The following OTOF variants were observed in gnomAD, a reference collection of about 807,000 sequenced individuals.
The protein encoded by OTOF is otoferlin, also known as fer-1-like family member 2.
Under a neutral mutation model 236.8 loss-of-function variants are expected in OTOF, and 218 were observed. That is an observed-to-expected ratio of 0.92 (90% CI 0.82 to 1.03). The LOEUF (loss-of-function observed/expected upper bound fraction) is 1.03, where lower values mean the gene tolerates loss of function less well. Among genes scored for constraint, OTOF ranks in the 50% least tolerant of loss-of-function variants. OTOF has a pLI of 0.00. For synonymous variants in OTOF, 1,041 were observed against 1,072.5 expected (o/e 0.97, Z 0.57); for missense variants, 2,590 against 2,694.4 (o/e 0.96, Z 0.86).
chr2:26,516,758 A>G (rs929672305), intron 4 of OTOF, among the ~76,000 whole-genome samples, 159 bp from the exon 5 acceptor site: 6 of 152,094 alleles, frequency 3.9e-5, no homozygotes, highest in African/African-American at 1.4e-4. Context: ...TTTGCTGATG[A>G]GAAAACAGAG....
intron 3 of OTOF, among the ~76,000 whole-genome samples, chr2:26,527,486 C>T (rs1226611456): frequency 6.6e-6 from 1 of 152,210 alleles, no homozygotes; most frequent in African/African-American, 2.4e-5. Flanking sequence ...CACCTTTCGC[C>T]TCTCCAGTGG....
chr2:26,466,710 T>G lies in OTOF; in HGVS notation c.4500+4A>C. On this transcript the variant is annotated splice_donor_region_variant and intron_variant, in intron 36 of 46. Coordinates refer to ENST00000272371, the MANE Select transcript of OTOF (RefSeq NM_194248.3). The stretch of plus-strand genomic sequence containing the variant: ...GCAAGGAGGGAAAGCGACGGGAGTC[T>G]CACCCGGACCACATAGACTCGGACC... The G allele has an allele frequency of 1.2e-6, 2 of 1,614,160 alleles. No individual in the cohort carries two copies. The highest frequency in any genetic ancestry group is 1.7e-6 in the Non-Finnish European group (2 of 1,180,004).
chr2:26,472,135 C>T (rs2148038817), intron 30 of OTOF, among the ~76,000 whole-genome samples: 1 of 152,098 alleles, frequency 6.6e-6, no homozygotes, highest in South Asian at 2.1e-4. Context: ...CACGCACGTG[C>T]ATATGCACAT....
chr2:26,474,423 C>T, intron 26 of OTOF, 90 bp downstream of exon 26: 1 of 1,082,930 alleles, frequency 9.2e-7, no homozygotes, highest in Non-Finnish European at 1.3e-6. Context: ...AGACCCCAGG[C>T]CCCAGCCTTC....
At chr2:26,527,808 C>A (rs1229164907) in intron 3 of OTOF, 24 bp downstream of exon 3, 5 of 1,555,592 alleles carry the variant, frequency 3.2e-6, no homozygotes, top group Non-Finnish European at 3.6e-6. Flanking sequence ...AGGCCCAGCC[C>A]CTCCTGCCCC....
In OTOF at chr2:26,517,727, C is replaced by G. The variant is rs180712243; in HGVS notation, c.328-1128G>C. ...ACTGTGGCCGAATCCATTCCCCATC[C>G]AGGACTTCATTGTTCCCATTCATAA... On this transcript the variant is annotated intron_variant, in intron 4 of 46. Transcript: ENST00000272371. Among the ~76,000 whole-genome samples, 28 of 152,306 alleles carry G rather than the reference C, an allele frequency of 1.8e-4. No individual in the cohort carries two copies. The East Asian group carries it at 5.0e-3, about 27-fold the overall frequency.
rs1664494048 is a variant in OTOF at position 26,462,095 on chromosome 2, A to T, written c.5279T>A (p.Ile1760Asn). ...ACTGCTCACCCACCCCCTCACGAAG[A>T]TGTCACTGGACTTCTCCCCTGTGAA... ...DFFTGEKSSD[I>N]FVRGWLKGQQ... The change falls in exon 42 of 47, where the codon ATC becomes AAC. Residue 1760 changes from isoleucine (I) to asparagine (N), a missense_variant. By Grantham distance (149) the Ile-to-Asn change is moderately radical (BLOSUM62 -3). Coordinates refer to ENST00000272371, the MANE Select transcript of OTOF (RefSeq NM_194248.3). The surrounding 1 kb of genome is among the most constrained non-coding windows in gnomAD (Gnocchi z 4.7). 6.2e-7 allele frequency: 1 copy of T among 1,612,334 alleles called. No individual in the cohort carries two copies. Among genetic ancestry groups the T allele is most frequent in the Non-Finnish European group, 8.5e-7 (1 of 1,179,202 alleles).
At chr2:26,503,628 A>G (rs1666174371) in intron 6 of OTOF, 144 bp downstream of exon 6, 2 of 736,396 alleles carry the variant, frequency 2.7e-6, no homozygotes, top group Non-Finnish European at 4.8e-6. Flanking sequence ...TCTCCTTCCT[A>G]GAGGGCCACG....
intron 5 of OTOF, among the ~76,000 whole-genome samples, chr2:26,511,251 G>C (rs1666381693): frequency 6.6e-6 from 1 of 152,204 alleles, no homozygotes; most frequent in East Asian, 1.9e-4. Flanking sequence ...TGCTCTGTGA[G>C]GGTGAGGCAG....
intron 26 of OTOF, among the ~76,000 whole-genome samples, 161 bp from the exon 27 acceptor site, chr2:26,474,271 C>G (rs111345988): frequency 6.7e-6 from 1 of 149,238 alleles, no homozygotes; most frequent in Non-Finnish European, 1.5e-5. Context: ...TAGGCCCCAG[C>G]CCCCAGGCCC....
intron 2 of OTOF, among the ~76,000 whole-genome samples, chr2:26,535,565 C>T (rs907953230): frequency 2.6e-5 from 4 of 152,172 alleles, no homozygotes; most frequent in East Asian, 1.9e-4. Flanking sequence ...GCACTTTCCC[C>T]GGGCAGGAGC....
intron 6 of OTOF, among the ~76,000 whole-genome samples, chr2:26,503,147 C>T (rs1666158775): frequency 6.6e-6 from 1 of 152,220 alleles, no homozygotes; most frequent in African/African-American, 2.4e-5. Context: ...CAGCCGGGAG[C>T]CCCGATGGTG....
chr2:26,490,385 G>T (rs1388477052), intron 9 of OTOF, among the ~76,000 whole-genome samples: 1 of 152,202 alleles, frequency 6.6e-6, no homozygotes, highest in Non-Finnish European at 1.5e-5. Flanking sequence ...CAAGCACTTA[G>T]TTGGCAGTCG....
In OTOF at chr2:26,460,214, T is replaced by C; in HGVS notation, c.5814-9A>G. ...AGCTCGTGTCGGGCCGGCTGGAGTA[T>C]GAAGGGTAGAGAGCGCAGAGGAGGG... On this transcript the variant is annotated splice_polypyrimidine_tract_variant and intron_variant, in intron 45 of 46. Coordinates refer to ENST00000272371, the MANE Select transcript of OTOF (RefSeq NM_194248.3). The surrounding 1 kb of genome is among the most constrained non-coding windows in gnomAD (Gnocchi z 5.3). 5 of 1,596,814 alleles carry C rather than the reference T, an allele frequency of 3.1e-6. No individual in the cohort carries two copies. Among genetic ancestry groups the C allele is most frequent in the Non-Finnish European group, 4.3e-6 (5 of 1,172,220 alleles).
Position 26,535,351 on chromosome 2 carries a change from T to C in OTOF, c.138+2365A>G, listed in dbSNP as rs560151368. ...TTCGTCTGTGGATGATTTCGGAGATTGAGTGGAAGGGGCATGGCTCGGGAA... is the reference window on the plus strand; with the variant it reads ...TTCGTCTGTGGATGATTTCGGAGATCGAGTGGAAGGGGCATGGCTCGGGAA... On this transcript the variant is annotated intron_variant, in intron 2 of 46. Coordinates refer to ENST00000272371, the MANE Select transcript of OTOF (RefSeq NM_194248.3). Among the ~76,000 whole-genome samples, 9 of 152,298 alleles carry C rather than the reference T, an allele frequency of 5.9e-5. No homozygotes were observed. In the South Asian group the frequency reaches 1.9e-3, roughly 32 times the overall value.
chr2:26,480,399 G>C (rs72853742), intron 15 of OTOF, 88 bp from the exon 16 acceptor site: 16,989 of 844,978 alleles, frequency 0.02, 214 homozygotes, highest in African/African-American at 0.044. Flanking sequence ...CAGACAGGCC[G>C]TGGGGGTGGA....
intron 40 of OTOF, 47 bp from the exon 41 acceptor site, chr2:26,463,618 C>T: frequency 6.9e-7 from 1 of 1,457,910 alleles, no homozygotes; most frequent in Non-Finnish European, 9.4e-7. Context: ...TCTCCCTCTG[C>T]CCAGGAAGAT....
chr2:26,526,013 A>G (rs1299719965), intron 3 of OTOF, among the ~76,000 whole-genome samples: 1 of 146,702 alleles, frequency 6.8e-6, no homozygotes, highest in Non-Finnish European at 1.5e-5. Context: ...CTTGAACCAG[A>G]GAGGCGGAGG....
chr2:26,463,384 G>A (rs936800280), intron 41 of OTOF, 99 bp downstream of exon 41: 1 of 1,010,600 alleles, frequency 9.9e-7, no homozygotes. Flanking sequence ...ACTGGCCAAG[G>A]CCATCTGGAC....
Sources: allele counts gnomAD v4.1 joint callset (sites outside exome capture counted in the v4.1 genomes callset), GRCh38; gene constraint gnomAD v4.1.1; non-coding constraint Gnocchi (gnomAD v3.1); transcripts MANE v1.5; gene names NCBI Gene and HGNC (gene_info 2026-07-23, HGNC 2026-07-21).